The following LEFTY1 variants were observed in gnomAD, a reference collection of about 807,000 sequenced individuals.
LEFTY1 encodes left-right determination factor B.
In LEFTY1, 18 loss-of-function variants were observed where a neutral mutation model predicts 22.6. The observed-to-expected ratio is 0.80, with a 90% CI of 0.55 to 1.18. The LOEUF (loss-of-function observed/expected upper bound fraction) is 1.18, where lower values mean the gene tolerates loss of function less well. Ranked by LOEUF, LEFTY1 falls within the 50% of genes most tolerant of loss-of-function variation. The pLI is 0.00. For synonymous variants in LEFTY1, 201 were observed against 231.5 expected (o/e 0.87, Z 1.20); for missense variants, 414 against 495.4 (o/e 0.84, Z 1.56).
Position 225,886,823 on chromosome 1 carries a change from C to A in LEFTY1, c.1005G>T (p.Arg335Ser). Residue 335 changes from arginine (R) to serine (S), a missense_variant, in exon 4 of 4, where the codon AGG becomes AGT. Around this residue, in one of 2 missense-constraint regions of LEFTY1, gnomAD observed 398 missense variants for 454.7 expected, o/e 0.88. Coordinates refer to ENST00000272134, the MANE Select transcript of LEFTY1 (RefSeq NM_020997.4). ...PMIVSIKEGG[R>S]TRPQVVSLPN... ...GCAGGCTGACCACCTGGGGCCTGGT[C>A]CTGCCTCCCTCCTTGATGCTGACGA... The A allele has an allele frequency of 6.2e-7, 1 of 1,613,894 alleles. No individual in the cohort carries two copies.
chr1:225,886,926 G>A lies in LEFTY1; in HGVS notation c.902C>T (p.Pro301Leu), dbSNP rs150915411. The change falls in exon 4 of 4, where the codon CCG becomes CTG. Residue 301 changes from proline to leucine, a missense_variant. Pro to Leu is a moderately conservative substitution (Grantham distance 98). Around this residue, in one of 2 missense-constraint regions of LEFTY1, gnomAD observed 398 missense variants for 454.7 expected, o/e 0.88. Coordinates refer to ENST00000272134, the MANE Select transcript of LEFTY1 (RefSeq NM_020997.4). ...YECVGTCRQP[P>L]EALAFKWPFL... ...CGGCCACTTGAAGGCCAGGGCCTCC[G>A]GGGGCTGCCGGCAGGTGCCCACACA... The A allele has an allele frequency of 3.2e-5, 52 of 1,613,702 alleles. No individual in the cohort carries two copies. Among genetic ancestry groups the A allele is most frequent in the East Asian group, 1.1e-4 (5 of 44,898 alleles).
Position 225,887,954 on chromosome 1 carries a change from T to C in LEFTY1, c.329A>G (p.Asn110Ser). Residue 110 changes from asparagine to serine, a missense_variant, in exon 2 of 4, where the codon AAC becomes AGC. Around this residue, in one of 2 missense-constraint regions of LEFTY1, gnomAD observed 398 missense variants for 454.7 expected, o/e 0.88. Transcript: ENST00000272134. The part of the protein sequence containing the change: ...VFGMEQRLPP[N>S]SELVQAVLRL... ...CAGCACGGCCTGCACCAGCTCGCTG[T>C]TGGGCGGCAGCCGCTGCTCCATGCC... 3.8e-6 allele frequency: 6 copies of C among 1,576,502 alleles called. No individual in the cohort carries two copies. The highest frequency in any genetic ancestry group is 1.1e-5 in the South Asian group (1 of 88,028).
At position 225,888,829 on chromosome 1, in the gene LEFTY1, G is replaced by A. The variant is rs148172390; in HGVS notation, c.238C>T (p.Gln80Ter). The change falls in exon 1 of 4, where the codon CAG becomes TAG. Residue 80 changes from glutamine to a stop codon, truncating the protein, a stop_gained. Transcript: ENST00000272134. LOFTEE classifies it high-confidence loss of function. ...GDRSRGKRFS[Q>*]SFREVAGRFL... ...GGGAGGGCCTCACCTCGGAAGCTCT[G>A]GCTGAACCTCTTTCCGCGGGAGCGG... is the stretch of plus-strand genomic sequence containing the variant. 8.1e-5 allele frequency: 130 copies of A among 1,613,212 alleles called. 2 individuals are homozygous for A. The highest frequency in any genetic ancestry group is 3.2e-4 in the Admixed American group (19 of 60,014).
intron 3 of LEFTY1, 70 bp from the exon 4 acceptor site, chr1:225,887,160 A>C: frequency 6.6e-7 from 1 of 1,523,976 alleles, no homozygotes; most frequent in Non-Finnish European, 8.8e-7. Context: ...TCTGGGATGG[A>C]GATTTATGAT....
At chr1:225,887,717 C>A (rs777059652) in intron 2 of LEFTY1, 69 bp downstream of exon 2, 4 of 1,562,918 alleles carry the variant, frequency 2.6e-6, no homozygotes, top group Non-Finnish European at 3.5e-6. Flanking sequence ...ACCGCCCCCC[C>A]GCGTCCCCGC....
rs1287020110 is a variant in LEFTY1, at chr1:225,889,033, C to A, written c.34G>T (p.Val12Leu). The part of the protein sequence containing the change: ...QPLWLCWALW[V>L]LPLASPGAAL... ...GCCCCGGGGCTGGCCAGGGGCAACA[C>A]CCAGAGTGCCCAGCAGAGCCACAGG... is the stretch of plus-strand genomic sequence containing the variant. Residue 12 changes from valine (V) to leucine (L), a missense_variant, in exon 1 of 4, where the codon GTG becomes TTG. Coordinates refer to ENST00000272134, the MANE Select transcript of LEFTY1 (RefSeq NM_020997.4). 4.0e-6 allele frequency: 6 copies of A among 1,494,198 alleles called. No individual in the cohort carries two copies. The African/African-American group carries it at 5.5e-5, about 14-fold the overall frequency. The allele number at this position is 1,494,198 out of a possible 1,614,324, so 92.6% of individuals were successfully genotyped here.
chr1:225,886,649 C>G lies in LEFTY1; in HGVS notation c.*78G>C. ...AGCATTTGTCCATCAGCAGTTCAGT[C>G]ATCGCCAGCTCTCCTGGTACCCTCG... On this transcript the variant is annotated 3_prime_UTR_variant, in exon 4 of 4. Transcript: ENST00000272134. 1 of 1,596,420 alleles carries G rather than the reference C, an allele frequency of 6.3e-7. No homozygotes were observed. Among genetic ancestry groups the G allele is most frequent in the South Asian group, 1.1e-5 (1 of 88,956 alleles).
rs1157780966 is a variant in LEFTY1, at chr1:225,886,904, C to T, written c.924G>A (p.Trp308Ter). The change falls in exon 4 of 4, where the codon TGG becomes TGA. Residue 308 changes from tryptophan (W) to a stop codon, truncating the protein, a stop_gained. Coordinates refer to ENST00000272134, the MANE Select transcript of LEFTY1 (RefSeq NM_020997.4). LOFTEE classifies it low-confidence loss of function (END_TRUNC). ...RQPPEALAFK[W>*]PFLGPRQCIA... The stretch of plus-strand genomic sequence containing the variant: ...TGCACTGTCGAGGCCCCAGAAACGG[C>T]CACTTGAAGGCCAGGGCCTCCGGGG... The T allele has an allele frequency of 6.2e-7, 1 of 1,613,868 alleles. No individual in the cohort carries two copies. Among genetic ancestry groups the T allele is most frequent in the African/African-American group, 1.3e-5 (1 of 74,948 alleles).
Position 225,888,985 on chromosome 1 carries a change from G to T in LEFTY1, c.82C>A (p.Leu28Met). ...TGCAGCTGCCGCAGCAGGCTGCCCA[G>T]GAGCTGCTCCCCGGTCAGGGCGGCC... The part of the protein sequence containing the change: ...PGAALTGEQL[L>M]GSLLRQLQLK... The change falls in exon 1 of 4, where the codon CTG becomes ATG. Residue 28 changes from leucine to methionine, a missense_variant. Around this residue, in one of 2 missense-constraint regions of LEFTY1, gnomAD observed 398 missense variants for 454.7 expected, o/e 0.88. Coordinates refer to ENST00000272134, the MANE Select transcript of LEFTY1 (RefSeq NM_020997.4). 1 of 1,586,934 alleles carries T rather than the reference G, an allele frequency of 6.3e-7. No homozygotes were observed. Among genetic ancestry groups the T allele is most frequent in the Non-Finnish European group, 8.6e-7 (1 of 1,166,546 alleles).
rs775699447 is a variant in LEFTY1, at chr1:225,887,787, T to A, written c.496A>T (p.Arg166Trp). The A allele has an allele frequency of 1.9e-6, 3 of 1,539,326 alleles. No homozygotes were observed. The highest frequency in any genetic ancestry group is 3.9e-5 in the Admixed American group (2 of 51,304). The change falls in exon 2 of 4, where the codon AGG (arginine) becomes TGG (tryptophan). Residue 166 changes from arginine (R) to tryptophan (W), a missense_variant and splice_region_variant. Around this residue, in one of 2 missense-constraint regions of LEFTY1, gnomAD observed 398 missense variants for 454.7 expected, o/e 0.88. Transcript: ENST00000272134. ...GSNRTSLIDS[R>W]LVSVHESGWK... ...CCTGCGCGCCCCCGCGACCCCCACC[T>A]GGAGTCGATGAGGGAGGTGCGGTTG... is the stretch of plus-strand genomic sequence containing the variant.
Position 225,887,641 on chromosome 1 carries a change from G to A in LEFTY1, c.498-3C>T, listed in dbSNP as rs1251017323. The A allele has an allele frequency of 2.5e-6, 4 of 1,612,100 alleles. No homozygotes were observed. Among genetic ancestry groups the A allele is most frequent in the African/African-American group, 1.3e-5 (1 of 74,872 alleles). On this transcript the variant is annotated splice_region_variant and splice_polypyrimidine_tract_variant and intron_variant, in intron 2 of 3. Transcript: ENST00000272134. Reference sequence around the variant, plus strand: ...CGCTCTCGTGGACGGACACCAGCCTGAGACATGACACAGAGACCCAGCGCC... The same window carrying A: ...CGCTCTCGTGGACGGACACCAGCCTAAGACATGACACAGAGACCCAGCGCC...
rs2102656667 is a variant in LEFTY1 at position 225,886,609 on chromosome 1, C to T, written c.*118G>A. On this transcript the variant is annotated 3_prime_UTR_variant, in exon 4 of 4. Coordinates refer to ENST00000272134, the MANE Select transcript of LEFTY1 (RefSeq NM_020997.4). ...TGTCAGAGGAAGCAAATTCAGGGCT[C>T]ACTAGAGAGCACAGAGCATTTGTCC... 2 of 1,534,734 alleles carry T rather than the reference C, an allele frequency of 1.3e-6. No homozygotes were observed. Among genetic ancestry groups the T allele is most frequent in the Non-Finnish European group, 1.7e-6 (2 of 1,144,612 alleles).
Position 225,889,127 on chromosome 1 carries a change from G to T in LEFTY1, c.-61C>A. 7.0e-7 allele frequency: 1 copy of T among 1,419,500 alleles called. No homozygotes were observed. The highest frequency in any genetic ancestry group is 1.4e-5 in the African/African-American group (1 of 69,052). 87.9% of individuals were successfully genotyped at this position (1,419,500 alleles called of 1,614,324 possible). ...CTGTCCCTTGAGAAGGCTGCAGGAG[G>T]GTCTCAGGCAGCTGGATGTGCTGAG... On this transcript the variant is annotated 5_prime_UTR_variant, in exon 1 of 4. Coordinates refer to ENST00000272134, the MANE Select transcript of LEFTY1 (RefSeq NM_020997.4).
rs1329391499 is a variant in LEFTY1 at position 225,887,474 on chromosome 1, A to G, written c.662T>C (p.Phe221Ser). Reference protein sequence around the residue: ...LASGAHKLVRFASQGAPAGLG... With the variant: ...LASGAHKLVRSASQGAPAGLG... The stretch of plus-strand genomic sequence containing the variant: ...CCCGGCTGGCGCCCCCTGCGAGGCA[A>G]AGCGGACCAGCTTGTGGGCGCCGGA... The change falls in exon 3 of 4, where the codon TTT becomes TCT. Residue 221 changes from phenylalanine to serine, a missense_variant. Transcript: ENST00000272134. The G allele has an allele frequency of 6.2e-7, 1 of 1,612,554 alleles. No homozygotes were observed. Among genetic ancestry groups the G allele is most frequent in the Non-Finnish European group, 8.5e-7 (1 of 1,179,658 alleles).
At position 225,886,622 on chromosome 1, in the gene LEFTY1, A is replaced by C; in HGVS notation, c.*105T>G. On this transcript the variant is annotated 3_prime_UTR_variant, in exon 4 of 4. Transcript: ENST00000272134. ...AAATTCAGGGCTCACTAGAGAGCACAGAGCATTTGTCCATCAGCAGTTCAG... is the reference window on the plus strand; with the variant it reads ...AAATTCAGGGCTCACTAGAGAGCACCGAGCATTTGTCCATCAGCAGTTCAG... 6.4e-7 allele frequency: 1 copy of C among 1,566,776 alleles called. No homozygotes were observed. The highest frequency in any genetic ancestry group is 8.6e-7 in the Non-Finnish European group (1 of 1,158,758).
intron 3 of LEFTY1, 50 bp downstream of exon 3, chr1:225,887,349 A>G: frequency 6.2e-7 from 1 of 1,607,044 alleles, no homozygotes; most frequent in Non-Finnish European, 8.5e-7. Context: ...AAATAAATGT[A>G]ATTGCCTGTC....
chr1:225,886,994 G>T lies in LEFTY1; in HGVS notation c.834C>A (p.Ala278=), dbSNP rs749417650. 2 of 1,609,552 alleles carry T rather than the reference G, an allele frequency of 1.2e-6. No homozygotes were observed. Among genetic ancestry groups the T allele is most frequent in the South Asian group, 1.1e-5 (1 of 90,762 alleles). The change falls in exon 4 of 4, where the codon GCC becomes GCA. Residue 278 remains alanine, a synonymous_variant. Coordinates refer to ENST00000272134, the MANE Select transcript of LEFTY1 (RefSeq NM_020997.4). ...CCGGGGGCTCCAGCACCCAGTTCTC[G>T]GCCCACTTCATCCCCTGCAGGTCAA... The part of the protein sequence containing the change: ...MYIDLQGMKW[A]ENWVLEPPGF...
In LEFTY1 at chr1:225,886,835, C is replaced by T. The variant is rs755416623; in HGVS notation, c.993G>A (p.Lys331=). The T allele has an allele frequency of 1.9e-6, 3 of 1,613,950 alleles. No individual in the cohort carries two copies. The East Asian group carries it at 6.7e-5, about 36-fold the overall frequency. ...TDSLPMIVSI[K]EGGRTRPQVV... is the part of the protein sequence containing the mutation. ...CCTGGGGCCTGGTCCTGCCTCCCTC[C>T]TTGATGCTGACGATCATGGGCAGCG... The change falls in exon 4 of 4, where the codon AAG becomes AAA. Residue 331 remains lysine (K), a synonymous_variant. Transcript: ENST00000272134.
At chr1:225,888,146 T>C (rs1671325972) in intron 1 of LEFTY1, 114 bp from the exon 2 acceptor site, 1 of 1,439,638 alleles carries the variant, frequency 6.9e-7, no homozygotes, top group East Asian at 2.5e-5. Flanking sequence ...GTTCTATTTC[T>C]GGGGCAAACC....
Sources: gnomAD v4.1 joint callset for allele counts on GRCh38, gnomAD v4.1.1 for gene constraint, gnomAD v4.1.1 regional missense constraint, MANE v1.5 for transcripts, NCBI Gene and HGNC (gene_info 2026-07-23, HGNC 2026-07-21) for gene names.